Variants in SMYD3 observed in about 807,000 individuals in gnomAD.
The protein encoded by SMYD3 is SET and MYND domain containing 3.
In SMYD3, 36 loss-of-function variants were observed where a neutral mutation model predicts 57.7. The ratio of observed to expected loss-of-function variants is 0.62; its 90% CI spans 0.48 to 0.82. SMYD3 has a LOEUF of 0.82. Ranked by LOEUF, SMYD3 falls within the 40% of genes least tolerant of loss-of-function variation. The pLI is 0.00. For synonymous variants in SMYD3, 211 were observed against 195.0 expected (o/e 1.08, Z -0.68); for missense variants, 515 against 538.8 (o/e 0.96, Z 0.44).
intron 5 of SMYD3, among the ~76,000 whole-genome samples, chr1:246,041,570 C>T (rs1041075709): frequency 1.3e-5 from 2 of 152,064 alleles, no homozygotes; most frequent in South Asian, 2.1e-4. Flanking sequence ...GGCCCTACGT[C>T]GTATGCACAC....
In SMYD3 at chr1:246,154,956, T is replaced by C. The variant is rs377753564; in HGVS notation, c.531+172245A>G. Among the ~76,000 whole-genome samples the C allele has an allele frequency of 2.7e-3, 407 of 152,152 alleles. 1 individual carries two copies. Among genetic ancestry groups the C allele is most frequent in the Non-Finnish European group, 4.5e-3 (306 of 68,006 alleles). ...ACCACCACGCCTGGCTAATTTTTTGTATTTTTAGTAGAGACAGGGTTTCAC... is the reference window on the plus strand; with the variant it reads ...ACCACCACGCCTGGCTAATTTTTTGCATTTTTAGTAGAGACAGGGTTTCAC... On this transcript the variant is annotated intron_variant, in intron 5 of 11. Coordinates refer to ENST00000490107, the MANE Select transcript of SMYD3 (RefSeq NM_001167740.2).
intron 5 of SMYD3, among the ~76,000 whole-genome samples, chr1:246,237,081 A>C (rs2148465452): frequency 6.6e-6 from 1 of 152,284 alleles, no homozygotes; most frequent in South Asian, 2.1e-4. Flanking sequence ...CATTAACTCA[A>C]TAGCATCCCC....
At chr1:246,402,087 A>T (rs1042595910) in intron 1 of SMYD3, among the ~76,000 whole-genome samples, 1 of 152,208 alleles carries the variant, frequency 6.6e-6, no homozygotes, top group Non-Finnish European at 1.5e-5. Flanking sequence ...TAACCTCTCT[A>T]AACAGTACCT....
At chr1:246,168,397 GC>G (rs759083880) in intron 5 of SMYD3, among the ~76,000 whole-genome samples, 26 of 152,032 alleles carry the variant, frequency 1.7e-4, no homozygotes, top group Non-Finnish European at 3.2e-4. Context: ...GACAAAAATG[GC>G]CCCATAATGA....
chr1:246,239,552 C>T (rs1230005692), intron 5 of SMYD3, among the ~76,000 whole-genome samples: 2 of 152,142 alleles, frequency 1.3e-5, no homozygotes, highest in African/African-American at 2.4e-5. Flanking sequence ...AATAAACATA[C>T]GTGTGCATGT....
chr1:246,076,039 T>G (rs2060541003), intron 5 of SMYD3, among the ~76,000 whole-genome samples: 1 of 151,462 alleles, frequency 6.6e-6, no homozygotes, highest in South Asian at 2.1e-4. Flanking sequence ...GTTTTGGAAA[T>G]GCTACTATGA....
Position 246,034,842 on chromosome 1 carries a change from C to T in SMYD3, c.532-104905G>A, listed in dbSNP as rs115768476. Among the ~76,000 whole-genome samples, 1,344 of 152,232 alleles carry T rather than the reference C, an allele frequency of 8.8e-3. 12 individuals are homozygous for T. Among genetic ancestry groups the T allele is most frequent in the Non-Finnish European group, 0.016 (1,059 of 68,012 alleles). On this transcript the variant is annotated intron_variant, in intron 5 of 11. Coordinates refer to ENST00000490107, the MANE Select transcript of SMYD3 (RefSeq NM_001167740.2). The stretch of plus-strand genomic sequence containing the variant: ...ACGCTGCAATGTAATCCCACCTTTC[C>T]CAGAGTTCTCCATCCCCTGCTGCCA...
chr1:246,458,438 C>CTTTTTTTTTTT (rs35956400), intron 1 of SMYD3, among the ~76,000 whole-genome samples: 1 of 62,056 alleles, frequency 1.6e-5, no homozygotes, highest in African/African-American at 5.5e-5. Context: ...AAAAGTCATT[C>CTTTTTTTTTTT]TTTTTTTTTT....
chr1:245,980,564 T>TCACA (rs1020502022), intron 5 of SMYD3, among the ~76,000 whole-genome samples: 1 of 152,250 alleles, frequency 6.6e-6, no homozygotes, highest in African/African-American at 2.4e-5. Flanking sequence ...TTTCTGCTTA[T>TCACA]CACACACATG....
At chr1:246,405,129 T>C (rs1426388735) in intron 1 of SMYD3, among the ~76,000 whole-genome samples, 1 of 152,042 alleles carries the variant, frequency 6.6e-6, no homozygotes, top group Non-Finnish European at 1.5e-5. Context: ...TTTTTATATT[T>C]TTTGCAGAGA....
At chr1:246,445,757 G>T (rs536899979) in intron 1 of SMYD3, among the ~76,000 whole-genome samples, 26 of 151,358 alleles carry the variant, frequency 1.7e-4, no homozygotes, top group Non-Finnish European at 3.5e-4. Context: ...GTACAGATAA[G>T]AAATTAATGT....
intron 10 of SMYD3, among the ~76,000 whole-genome samples, chr1:245,776,329 T>C (rs1019558883): frequency 2.6e-5 from 4 of 152,122 alleles, no homozygotes; most frequent in Admixed American, 6.5e-5. Flanking sequence ...ATCTCAAAGA[T>C]TGAGTGTTAC....
At chr1:245,979,751 C>G (rs2058550802) in intron 5 of SMYD3, among the ~76,000 whole-genome samples, 1 of 152,148 alleles carries the variant, frequency 6.6e-6, no homozygotes, top group African/African-American at 2.4e-5. Flanking sequence ...ATACAGCATC[C>G]CAATTCAGAC....
intron 10 of SMYD3, among the ~76,000 whole-genome samples, chr1:245,817,741 G>A (rs1361220006): frequency 6.6e-6 from 1 of 152,138 alleles, no homozygotes; most frequent in Non-Finnish European, 1.5e-5. Context: ...CGAGAACTAT[G>A]TGAAGAATGC....
intron 1 of SMYD3, among the ~76,000 whole-genome samples, chr1:246,469,662 T>TA (rs2067932048): frequency 6.6e-6 from 1 of 151,998 alleles, no homozygotes; most frequent in African/African-American, 2.4e-5. Flanking sequence ...CATAAATAAA[T>TA]AGAGGAGAAG....
chr1:245,877,497 G>T (rs1214664666), intron 8 of SMYD3, among the ~76,000 whole-genome samples: 1 of 152,228 alleles, frequency 6.6e-6, no homozygotes, highest in Non-Finnish European at 1.5e-5. Flanking sequence ...GAAGGCGGAA[G>T]GTGTTAGGTA....
intron 1 of SMYD3, among the ~76,000 whole-genome samples, chr1:246,406,706 C>T (rs2102977867): frequency 6.6e-6 from 1 of 152,276 alleles, no homozygotes; most frequent in Non-Finnish European, 1.5e-5. Flanking sequence ...AACGGAGACA[C>T]TTAGAGGTTA....
chr1:245,797,042 C>T (rs1419468703), intron 10 of SMYD3, among the ~76,000 whole-genome samples: 3 of 152,108 alleles, frequency 2.0e-5, no homozygotes, highest in Non-Finnish European at 2.9e-5. Flanking sequence ...GAGGAAATTG[C>T]TTCTTTGGTA....
rs1364540931 is a variant in SMYD3, at chr1:245,953,464, A to C, written c.532-23527T>G. On this transcript the variant is annotated intron_variant, in intron 5 of 11. Transcript: ENST00000490107. ...GAGACAGAGTCTCGCTCTGTCACCC[A>C]GGCTGGAGTGCAGTGGTGTGATCTC... is the stretch of plus-strand genomic sequence containing the variant. 5 of 543,258 alleles carry C rather than the reference A, an allele frequency of 9.2e-6. No homozygotes were observed. In the East Asian group the frequency reaches 7.4e-4, roughly 80 times the overall value. 33.7% of individuals were successfully genotyped at this position (543,258 alleles called of 1,614,324 possible).
Sources: allele counts gnomAD v4.1 joint callset (sites outside exome capture counted in the v4.1 genomes callset), GRCh38; gene constraint gnomAD v4.1.1; transcripts MANE v1.5; gene names NCBI Gene and HGNC (gene_info 2026-07-23, HGNC 2026-07-21).